Variants in UTRN observed in about 807,000 individuals in gnomAD.
UTRN encodes the protein dystrophin-related protein 1.
A neutral mutation model predicts 463.9 loss-of-function variants in UTRN; 283 were observed. The observed-to-expected ratio is 0.61, with a 90% confidence interval of 0.55 to 0.67. The LOEUF (loss-of-function observed/expected upper bound fraction) is 0.67. Ranked by LOEUF, UTRN falls within the 30% of genes least tolerant of loss-of-function variation. The pLI, the probability that UTRN is intolerant of heterozygous loss-of-function variation, is 0.00. For synonymous variants in UTRN, 1,442 were observed against 1,431.5 expected (o/e 1.01, Z -0.17); for missense variants, 3,922 against 4,084.3 (o/e 0.96, Z 1.08).
chr6:144,482,017 T>TCAAAAA (rs113400184), intron 26 of UTRN, among the ~76,000 whole-genome samples, 192 bp from the exon 27 acceptor site: 3 of 151,920 alleles, frequency 2.0e-5, no homozygotes, highest in African/African-American at 4.8e-5. Flanking sequence ...AGACTCTATC[T>TCAAAAA]CAAAAACAAA....
chr6:144,650,543 A>G (rs1219747586), intron 51 of UTRN, among the ~76,000 whole-genome samples: 3 of 152,232 alleles, frequency 2.0e-5, no homozygotes, highest in Non-Finnish European at 4.4e-5. Context: ...AATGAATACA[A>G]TAGAGCATTG....
chr6:144,405,727 C>T (rs1000307470), intron 3 of UTRN, among the ~76,000 whole-genome samples: 3 of 152,172 alleles, frequency 2.0e-5, no homozygotes, highest in African/African-American at 7.2e-5. Flanking sequence ...CTAGATATTT[C>T]CTTTGTGGCC....
At chr6:144,524,427 GT>G (rs902618022) in intron 41 of UTRN, among the ~76,000 whole-genome samples, 31 of 148,116 alleles carry the variant, frequency 2.1e-4, no homozygotes, top group African/African-American at 2.7e-4. Context: ...ACATTGACAG[GT>G]TTTTTTTTTA....
At chr6:144,800,514 T>C (rs750275227) in intron 64 of UTRN, among the ~76,000 whole-genome samples, 9 of 152,194 alleles carry the variant, frequency 5.9e-5, no homozygotes, top group Non-Finnish European at 1.0e-4. Context: ...CAGGAGATAG[T>C]GTATTGAGAA....
At chr6:144,727,602 C>CA (rs1231531611) in intron 53 of UTRN, among the ~76,000 whole-genome samples, 114 of 152,068 alleles carry the variant, frequency 7.5e-4, no homozygotes, top group Admixed American at 7.5e-3. Context: ...ACTAAAAATA[C>CA]AAAAAAATTA....
At chr6:144,731,626 C>T (rs1788530163) in intron 54 of UTRN, among the ~76,000 whole-genome samples, 1 of 152,116 alleles carries the variant, frequency 6.6e-6, no homozygotes, top group Admixed American at 6.5e-5. Context: ...AATAAATTTC[C>T]CATCAAGACC....
At chr6:144,850,295 A>T (rs942752585) in intron 74 of UTRN, among the ~76,000 whole-genome samples, 1 of 152,176 alleles carries the variant, frequency 6.6e-6, no homozygotes, top group African/African-American at 2.4e-5. Context: ...TCCCCCATAA[A>T]ATAAGGTGTA....
At chr6:144,604,960 T>G (rs879564531) in intron 51 of UTRN, among the ~76,000 whole-genome samples, 3 of 151,986 alleles carry the variant, frequency 2.0e-5, no homozygotes, top group Non-Finnish European at 4.4e-5. Flanking sequence ...AAAAAATCAC[T>G]AAAGTTTGCA....
At chr6:144,849,088 T>C (rs1332376911) in intron 74 of UTRN, among the ~76,000 whole-genome samples, 1 of 151,992 alleles carries the variant, frequency 6.6e-6, no homozygotes, top group African/African-American at 2.4e-5. Flanking sequence ...TTAGAGCAAG[T>C]AGATGCAGGC....
intron 3 of UTRN, among the ~76,000 whole-genome samples, chr6:144,418,430 A>G (rs1584704137): frequency 2.0e-5 from 3 of 147,446 alleles, no homozygotes; most frequent in East Asian, 4.0e-4. Context: ...TCACTGTGTT[A>G]GCCAGGATGG....
At chr6:144,478,725 AG>A (rs1205069989) in intron 25 of UTRN, among the ~76,000 whole-genome samples, 2 of 152,170 alleles carry the variant, frequency 1.3e-5, no homozygotes, top group Admixed American at 6.5e-5. Flanking sequence ...AGGCCCTGGC[AG>A]GGTGGCCACT....
chr6:144,569,123 A>G (rs1800695081), intron 50 of UTRN, among the ~76,000 whole-genome samples: 1 of 152,080 alleles, frequency 6.6e-6, no homozygotes, highest in Non-Finnish European at 1.5e-5. Flanking sequence ...CTAATTTTTA[A>G]AAGTAAGAAA....
rs1328807586 is a variant in UTRN at position 144,423,636 on chromosome 6, T to C, written c.312+10T>C. 5 of 1,613,960 alleles carry C rather than the reference T, an allele frequency of 3.1e-6. No homozygotes were observed. The Admixed American group carries it at 6.7e-5, about 22-fold the overall frequency. The stretch of plus-strand genomic sequence containing the variant: ...TTTACATCAGAACAATGTAAGTGTG[T>C]AATGTGAGTTCTGGGGGTCTGTGCT... On this transcript the variant is annotated intron_variant, in intron 5 of 74. Coordinates refer to ENST00000367545, the MANE Select transcript of UTRN (RefSeq NM_007124.3).
At chr6:144,458,445 C>T (rs1042732692) in intron 19 of UTRN, among the ~76,000 whole-genome samples, 1 of 152,142 alleles carries the variant, frequency 6.6e-6, no homozygotes, top group African/African-American at 2.4e-5. Context: ...TCTTATTTCA[C>T]TGGTTCAGGT....
intron 3 of UTRN, among the ~76,000 whole-genome samples, chr6:144,415,345 G>C (rs749212760): frequency 6.6e-6 from 1 of 152,076 alleles, no homozygotes; most frequent in Non-Finnish European, 1.5e-5. Context: ...CTTGATTTTC[G>C]CATACTGTAT....
intron 11 of UTRN, 118 bp from the exon 12 acceptor site, chr6:144,438,627 C>T: frequency 1.6e-6 from 2 of 1,278,290 alleles, no homozygotes; most frequent in Non-Finnish European, 1.1e-6. Context: ...TAAATGCTAC[C>T]TTGAATGTTT....
At chr6:144,533,796 A>G (rs1054105433) in intron 43 of UTRN, among the ~76,000 whole-genome samples, 4 of 151,892 alleles carry the variant, frequency 2.6e-5, no homozygotes, top group Admixed American at 6.6e-5. Context: ...TTATTTGGGC[A>G]TCTTCCAGTT....
chr6:144,597,252 A>AAAAAAAT (rs1217848261), intron 51 of UTRN, among the ~76,000 whole-genome samples: 2 of 151,580 alleles, frequency 1.3e-5, no homozygotes, highest in African/African-American at 4.9e-5. Flanking sequence ...AAAAAAAAAA[A>AAAAAAAT]GTGCCTTAAC....
intron 54 of UTRN, among the ~76,000 whole-genome samples, chr6:144,741,001 A>G (rs1418811656): frequency 6.6e-6 from 1 of 152,212 alleles, no homozygotes; most frequent in African/African-American, 2.4e-5. Context: ...TCTGATTTAA[A>G]CATAAAGGAC....
Sources: allele counts gnomAD v4.1 joint callset (sites outside exome capture counted in the v4.1 genomes callset), GRCh38; gene constraint gnomAD v4.1.1; transcripts MANE v1.5; gene names NCBI Gene and HGNC (gene_info 2026-07-23, HGNC 2026-07-21).